Variants in ATP6V0D2 observed in about 807,000 individuals in gnomAD.
ATP6V0D2 encodes V-type proton ATPase subunit d 2.
ATP6V0D2 carries 40 observed loss-of-function variants against 40.0 expected under a neutral mutation model. The ratio of observed to expected loss-of-function variants is 1.00; its 90% CI spans 0.78 to 1.30. The LOEUF is 1.30. Ranked by LOEUF, ATP6V0D2 falls within the 50% of genes most tolerant of loss-of-function variation. The pLI, the probability that ATP6V0D2 is intolerant of heterozygous loss-of-function variation, is 0.00. For missense variants in ATP6V0D2, 470 were observed against 423.1 expected (o/e 1.11, Z -0.97); for synonymous variants, 179 against 156.3 (o/e 1.15, Z -1.08).
chr8:86,150,792 C>A (rs866506766), intron 6 of ATP6V0D2, among the ~76,000 whole-genome samples: 1 of 152,122 alleles, frequency 6.6e-6, no homozygotes, highest in Non-Finnish European at 1.5e-5. Flanking sequence ...GTCCTTCCCC[C>A]ACTCCAGCAT....
intron 2 of ATP6V0D2, among the ~76,000 whole-genome samples, chr8:86,118,050 T>C (rs1818616491): frequency 1.3e-5 from 2 of 150,754 alleles, no homozygotes; most frequent in Non-Finnish European, 3.0e-5. Flanking sequence ...CTTTCTTCTT[T>C]CTTTTTCTTT....
At chr8:86,136,803 T>C (rs1396491120) in intron 2 of ATP6V0D2, among the ~76,000 whole-genome samples, 1 of 152,150 alleles carries the variant, frequency 6.6e-6, no homozygotes, top group Non-Finnish European at 1.5e-5. Flanking sequence ...TTCTACGTGT[T>C]CAAGTAAATT....
At chr8:86,121,627 A>G (rs1432899355) in intron 2 of ATP6V0D2, among the ~76,000 whole-genome samples, 1 of 151,744 alleles carries the variant, frequency 6.6e-6, no homozygotes, top group African/African-American at 2.4e-5. Context: ...GAGAAGGAGA[A>G]AGAAGGAAAA....
intron 5 of ATP6V0D2, among the ~76,000 whole-genome samples, chr8:86,148,647 C>A (rs1332592525): frequency 6.6e-6 from 1 of 152,076 alleles, no homozygotes; most frequent in African/African-American, 2.4e-5. Context: ...TCTACTGAGC[C>A]ATAAAATATT....
At chr8:86,102,797 C>T (rs565531597) in intron 1 of ATP6V0D2, among the ~76,000 whole-genome samples, 1 of 152,184 alleles carries the variant, frequency 6.6e-6, no homozygotes, top group East Asian at 1.9e-4. Flanking sequence ...TTCCTAGGTA[C>T]AGAAGAAGGA....
chr8:86,130,181 G>A (rs1323230735), intron 2 of ATP6V0D2, among the ~76,000 whole-genome samples: 1 of 151,728 alleles, frequency 6.6e-6, no homozygotes, highest in African/African-American at 2.4e-5. Flanking sequence ...TTGTTACCTT[G>A]TCCCATTCAC....
chr8:86,104,920 C>T (rs886181363), intron 1 of ATP6V0D2, among the ~76,000 whole-genome samples: 7 of 150,122 alleles, frequency 4.7e-5, no homozygotes, highest in Non-Finnish European at 8.9e-5. Flanking sequence ...TAAATGACAG[C>T]TTAAAAGGCT....
chr8:86,141,513 G>A lies in ATP6V0D2; in HGVS notation c.545G>A (p.Arg182His), dbSNP rs573159453. Residue 182 changes from arginine (R) to histidine (H), a missense_variant, in exon 4 of 8, where the codon CGC becomes CAC. Arg to His is a conservative substitution (Grantham distance 29). Transcript: ENST00000285393. ...ALDELNIELLRNKLYKSYLEA... is the reference protein window; with the variant it reads ...ALDELNIELLHNKLYKSYLEA... ...GATGAACTGAATATTGAATTGCTACGCAATAAACTATACAAGGTAATGGTT... is the reference window on the plus strand; with the variant it reads ...GATGAACTGAATATTGAATTGCTACACAATAAACTATACAAGGTAATGGTT... 59 of 1,604,354 alleles carry A rather than the reference G, an allele frequency of 3.7e-5. No homozygotes were observed. Among genetic ancestry groups the A allele is most frequent in the East Asian group, 1.6e-4 (7 of 44,654 alleles).
chr8:86,138,799 A>G (rs1818930575), intron 2 of ATP6V0D2, among the ~76,000 whole-genome samples: 1 of 152,186 alleles, frequency 6.6e-6, no homozygotes, highest in Non-Finnish European at 1.5e-5. Flanking sequence ...CCCTTTGTCC[A>G]TTCTGATAAA....
rs1819108552 is a variant in ATP6V0D2, at chr8:86,149,065, AAAAAAAAAAAC to A, written c.640-1046_640-1036del. On this transcript the variant is annotated intron_variant, in intron 5 of 7. Coordinates refer to ENST00000285393, the MANE Select transcript of ATP6V0D2 (RefSeq NM_152565.1). The stretch of plus-strand genomic sequence containing the variant: ...CAATCTCCAAAGGAAGAAAAAAAAA[AAAAAAAAAAAC>A]CAATGAACAAGAAAGACATGGTTCT... 4.0e-5 allele frequency among the ~76,000 whole-genome samples: 6 copies of A among 149,838 alleles called. 1 individual carries two copies. The highest frequency in any genetic ancestry group is 2.7e-4 in the Admixed American group (4 of 15,026).
chr8:86,106,613 T>C (rs528187245), intron 1 of ATP6V0D2, among the ~76,000 whole-genome samples: 2 of 152,346 alleles, frequency 1.3e-5, no homozygotes, highest in South Asian at 4.1e-4. Context: ...CTGAAATAGT[T>C]CTTTCCATTT....
intron 5 of ATP6V0D2, among the ~76,000 whole-genome samples, chr8:86,145,415 A>AAAGAAAAGAC (rs1563566424): frequency 1.1e-4 from 16 of 151,654 alleles, no homozygotes; most frequent in Non-Finnish European, 2.2e-4. Flanking sequence ...AAAGAAAAGA[A>AAAGAAAAGAC]AAGACGAGGT....
At chr8:86,133,572 C>A (rs2626325) in intron 2 of ATP6V0D2, among the ~76,000 whole-genome samples, 1 of 151,528 alleles carries the variant, frequency 6.6e-6, no homozygotes, top group Non-Finnish European at 1.5e-5. Context: ...ACACCCACCT[C>A]AGCCTCCCAA....
intron 7 of ATP6V0D2, among the ~76,000 whole-genome samples, chr8:86,152,381 CAT>C (rs1402231676): frequency 6.6e-6 from 1 of 152,146 alleles, no homozygotes; most frequent in Admixed American, 6.5e-5. Context: ...CTGCAATAAA[CAT>C]ATGTGTGCAG....
At chr8:86,135,054 A>G (rs1586098122) in intron 2 of ATP6V0D2, among the ~76,000 whole-genome samples, 1 of 152,200 alleles carries the variant, frequency 6.6e-6, no homozygotes, top group East Asian at 1.9e-4. Flanking sequence ...GGTGGGTGTG[A>G]CAATGAAGAG....
intron 1 of ATP6V0D2, 110 bp from the exon 2 acceptor site, chr8:86,113,599 G>A: frequency 1.1e-6 from 1 of 914,658 alleles, no homozygotes; most frequent in Non-Finnish European, 1.6e-6. Context: ...AATCTAATAA[G>A]ATAATACATA....
chr8:86,152,862 T>A lies in ATP6V0D2; in HGVS notation c.938T>A (p.Val313Glu), dbSNP rs1369956316. 6.2e-7 allele frequency: 1 copy of A among 1,611,392 alleles called. No individual in the cohort carries two copies. The highest frequency in any genetic ancestry group is 8.5e-7 in the Non-Finnish European group (1 of 1,179,198). ...LAFNRQFHYG[V>E]FYAYVKLKEQ... ...TTCAACAGACAGTTCCACTACGGTGTGTTTTATGCATATGTAAAGCTGAAG... is the reference window on the plus strand; with the variant it reads ...TTCAACAGACAGTTCCACTACGGTGAGTTTTATGCATATGTAAAGCTGAAG... Residue 313 changes from valine to glutamate, a missense_variant, in exon 8 of 8, where the codon GTG becomes GAG. Physicochemically the swap from Val to Glu is moderately radical, Grantham distance 121 (BLOSUM62 -2). Transcript: ENST00000285393.
intron 2 of ATP6V0D2, among the ~76,000 whole-genome samples, chr8:86,125,363 C>A (rs1485451258): frequency 1.3e-5 from 2 of 152,154 alleles, no homozygotes; most frequent in African/African-American, 4.8e-5. Context: ...GAGACTGTCC[C>A]ATAACCTTCA....
chr8:86,149,334 CAAGA>C (rs1327120777), intron 5 of ATP6V0D2, among the ~76,000 whole-genome samples: 3 of 152,134 alleles, frequency 2.0e-5, no homozygotes, highest in Non-Finnish European at 4.4e-5. Context: ...AACGAAATTT[CAAGA>C]AAGACTTCAG....
Sources: allele counts gnomAD v4.1 joint callset (sites outside exome capture counted in the v4.1 genomes callset), GRCh38; gene constraint gnomAD v4.1.1; transcripts MANE v1.5; gene names NCBI Gene and HGNC (gene_info 2026-07-23, HGNC 2026-07-21).